The following SDCCAG8 variants were observed in gnomAD, a reference collection of about 807,000 sequenced individuals.
SDCCAG8 encodes the protein serologically defined colon cancer antigen 8.
Under a neutral mutation model 101.8 loss-of-function variants are expected in SDCCAG8, and 74 were observed. The observed-to-expected ratio is 0.73, with a 90% CI of 0.60 to 0.88. SDCCAG8 has a LOEUF of 0.88. Among genes scored for constraint, SDCCAG8 ranks in the 40% least tolerant of loss-of-function variants. The pLI, the probability that SDCCAG8 is intolerant of heterozygous loss-of-function variation, is 0.00. For missense variants in SDCCAG8, 787 were observed against 822.6 expected, an observed-to-expected ratio of 0.96 and a Z score of 0.53; for synonymous variants, 281 against 292.9, an observed-to-expected ratio of 0.96 and a Z score of 0.41.
At chr1:243,456,092 T>C (rs964337115) in intron 16 of SDCCAG8, among the ~76,000 whole-genome samples, 2 of 152,140 alleles carry the variant, frequency 1.3e-5, no homozygotes, top group African/African-American at 4.8e-5. Context: ...TCCATCATCC[T>C]AGTTTTCTGG....
intron 17 of SDCCAG8, among the ~76,000 whole-genome samples, chr1:243,493,135 T>C (rs566509246): frequency 6.6e-6 from 1 of 151,810 alleles, no homozygotes; most frequent in South Asian, 2.1e-4. Context: ...CACCCTGGCC[T>C]GTCTTTTGTT....
chr1:243,346,754 C>T (rs1003759328), intron 12 of SDCCAG8, among the ~76,000 whole-genome samples: 1 of 152,166 alleles, frequency 6.6e-6, no homozygotes, highest in African/African-American at 2.4e-5. Flanking sequence ...TAGAGAATTC[C>T]TGTCAGCCTC....
rs76556999 is a variant in SDCCAG8, at chr1:243,355,044, G to C, written c.1473+10713G>C. On this transcript the variant is annotated intron_variant, in intron 12 of 17. Coordinates refer to ENST00000366541, the MANE Select transcript of SDCCAG8 (RefSeq NM_006642.5). The stretch of plus-strand genomic sequence containing the variant: ...GAGATTCCTGATCTAACTCTAGGCT[G>C]CTCCTGAGTGTTAATGAGTTGCAAG... Among the ~76,000 whole-genome samples the C allele has an allele frequency of 4.3e-3, 659 of 152,296 alleles. 3 individuals are homozygous for C. The highest frequency in any genetic ancestry group is 6.6e-3 in the Non-Finnish European group (448 of 68,016).
chr1:243,310,307 A>G (rs1004452967), intron 8 of SDCCAG8, among the ~76,000 whole-genome samples: 1 of 152,208 alleles, frequency 6.6e-6, no homozygotes, highest in Non-Finnish European at 1.5e-5. Flanking sequence ...TAAAAAATGT[A>G]GTAAACATTT....
At chr1:243,413,080 G>A (rs1436662297) in intron 13 of SDCCAG8, among the ~76,000 whole-genome samples, 1 of 152,206 alleles carries the variant, frequency 6.6e-6, no homozygotes, top group Non-Finnish European at 1.5e-5. Flanking sequence ...TTTGGGGAAG[G>A]ATTCGAGAAA....
intron 13 of SDCCAG8, among the ~76,000 whole-genome samples, chr1:243,380,734 T>G (rs182200032): frequency 6.0e-4 from 92 of 152,218 alleles, no homozygotes; most frequent in Non-Finnish European, 8.5e-4. Context: ...AATTTAAACG[T>G]AGTTTTACAG....
At chr1:243,354,205 C>T (rs188894616) in intron 12 of SDCCAG8, among the ~76,000 whole-genome samples, 53 of 152,286 alleles carry the variant, frequency 3.5e-4, no homozygotes, top group Admixed American at 9.8e-4. Flanking sequence ...TAAATTCTTG[C>T]ATTTCTAGAA....
chr1:243,376,025 T>C (rs1049975721), intron 12 of SDCCAG8, among the ~76,000 whole-genome samples: 23 of 152,176 alleles, frequency 1.5e-4, no homozygotes, highest in African/African-American at 5.5e-4. Context: ...GCATTTCACA[T>C]TTTGAAATTA....
At chr1:243,353,035 T>C (rs1010766113) in intron 12 of SDCCAG8, among the ~76,000 whole-genome samples, 4 of 152,118 alleles carry the variant, frequency 2.6e-5, no homozygotes, top group African/African-American at 9.7e-5. Context: ...AACCATATAT[T>C]ATGTGCACTC....
chr1:243,301,036 C>T (rs2071447655), intron 6 of SDCCAG8, among the ~76,000 whole-genome samples: 1 of 151,918 alleles, frequency 6.6e-6, no homozygotes, highest in Non-Finnish European at 1.5e-5. Context: ...TCATCTACTA[C>T]CATAAAATAT....
chr1:243,399,378 G>GA (rs930613516), intron 13 of SDCCAG8, among the ~76,000 whole-genome samples: 2 of 150,910 alleles, frequency 1.3e-5, no homozygotes, highest in East Asian at 3.9e-4. Context: ...TTTTGGAAAG[G>GA]AAAAAAAAAT....
intron 12 of SDCCAG8, among the ~76,000 whole-genome samples, chr1:243,370,400 ATT>A (rs1000242287): frequency 6.6e-6 from 1 of 151,988 alleles, no homozygotes; most frequent in African/African-American, 2.4e-5. Flanking sequence ...GTGCAAAGCA[ATT>A]TTTTTTCCAT....
At chr1:243,415,957 G>T (rs916627933) in intron 14 of SDCCAG8, 128 bp downstream of exon 14, 8 of 1,055,796 alleles carry the variant, frequency 7.6e-6, no homozygotes, top group Non-Finnish European at 1.1e-5. Flanking sequence ...TAACTACACC[G>T]GAGATTCCGA....
rs534627179 is a variant in SDCCAG8 at position 243,492,493 on chromosome 1, G to A, written c.2112+3353G>A. On this transcript the variant is annotated intron_variant, in intron 17 of 17. Coordinates refer to ENST00000366541, the MANE Select transcript of SDCCAG8 (RefSeq NM_006642.5). ...ATTTTTTTGTATTTTTAATAGAAAC[G>A]GGGTTTCGCCATGTTGGCCAGGCTG... Among the ~76,000 whole-genome samples, 214 of 151,268 alleles carry A rather than the reference G, an allele frequency of 1.4e-3. 1 individual carries two copies. The highest frequency in any genetic ancestry group is 2.2e-3 in the Non-Finnish European group (150 of 67,736).
At chr1:243,482,736 G>A (rs1021595520) in intron 16 of SDCCAG8, among the ~76,000 whole-genome samples, 1 of 152,238 alleles carries the variant, frequency 6.6e-6, no homozygotes, top group Admixed American at 6.5e-5. Flanking sequence ...TCCTGCCCCT[G>A]ATGGGGCCTG....
intron 9 of SDCCAG8, among the ~76,000 whole-genome samples, chr1:243,324,434 G>A (rs976636309): frequency 2.9e-5 from 4 of 138,642 alleles, no homozygotes; most frequent in Non-Finnish European, 6.1e-5. Flanking sequence ...CACTGCCCTG[G>A]TTCAAGGCTT....
chr1:243,259,045 G>A (rs1045384783), intron 1 of SDCCAG8, among the ~76,000 whole-genome samples: 81 of 152,268 alleles, frequency 5.3e-4, no homozygotes, highest in African/African-American at 1.9e-3. Flanking sequence ...GCCAGGAAGT[G>A]GCCGCATAAA....
chr1:243,356,133 C>T (rs1391947295), intron 12 of SDCCAG8, among the ~76,000 whole-genome samples: 1 of 152,086 alleles, frequency 6.6e-6, no homozygotes, highest in Non-Finnish European at 1.5e-5. Context: ...ATAATAAGAA[C>T]CAGACATGTT....
At chr1:243,394,429 A>G (rs962585351) in intron 13 of SDCCAG8, among the ~76,000 whole-genome samples, 1 of 152,190 alleles carries the variant, frequency 6.6e-6, no homozygotes, top group African/African-American at 2.4e-5. Flanking sequence ...CTCTATGAAA[A>G]TATCCCAGTT....
Sources: allele counts gnomAD v4.1 joint callset (sites outside exome capture counted in the v4.1 genomes callset), GRCh38; gene constraint gnomAD v4.1.1; transcripts MANE v1.5; gene names NCBI Gene and HGNC (gene_info 2026-07-23, HGNC 2026-07-21).